The following B9D1 variants were observed in gnomAD, a reference collection of about 807,000 sequenced individuals.
The protein encoded by B9D1 is B9 domain containing 1.
A neutral mutation model predicts 26.1 loss-of-function variants in B9D1; 20 were observed. The ratio of observed to expected loss-of-function variants is 0.77; its 90% CI spans 0.54 to 1.12. The LOEUF (loss-of-function observed/expected upper bound fraction) is 1.12. Ranked by LOEUF, B9D1 falls within the 50% of genes most tolerant of loss-of-function variation. The pLI is 0.00. For synonymous variants in B9D1, 105 were observed against 103.1 expected (o/e 1.02, Z -0.11); for missense variants, 260 against 273.7 (o/e 0.95, Z 0.35).
At chr17:19,369,148 G>A (rs1911751422) in intron 1 of B9D1, among the ~76,000 whole-genome samples, 1 of 152,176 alleles carries the variant, frequency 6.6e-6, no homozygotes, top group Non-Finnish European at 1.5e-5. Flanking sequence ...AAGCGTATAG[G>A]GTTATGGTAG....
At chr17:19,360,178 A>G in intron 2 of B9D1, 142 bp downstream of exon 2, 2 of 790,012 alleles carry the variant, frequency 2.5e-6, no homozygotes, top group South Asian at 2.9e-5. Flanking sequence ...CTCCCGCTTT[A>G]CCAGGAACAC....
chr17:19,369,739 T>C (rs1911792932), intron 1 of B9D1, among the ~76,000 whole-genome samples: 1 of 152,212 alleles, frequency 6.6e-6, no homozygotes, highest in East Asian at 1.9e-4. Context: ...ATTTGTTGTT[T>C]ATCTGAAATT....
chr17:19,372,381 G>A lies in B9D1; in HGVS notation c.-298+5478C>T, dbSNP rs957532508. 2 of 152,432 alleles carry A rather than the reference G, an allele frequency of 1.3e-5. No individual in the cohort carries two copies. Among genetic ancestry groups the A allele is most frequent in the African/African-American group, 2.4e-5 (1 of 41,428 alleles). The allele number at this position is 152,432 out of a possible 1,614,324, so 9.4% of individuals were successfully genotyped here. ...GGTCTCACCCCTGCCTAACTTTCTC[G>A]TCTCCATGTCTCTGTGACCCCCTCC... On this transcript the variant is annotated intron_variant, in intron 1 of 5. Coordinates refer to the B9D1 transcript ENST00000477478. The surrounding 1 kb of genome is among the most constrained non-coding windows in gnomAD (Gnocchi z 4.4).
intron 3 of B9D1, among the ~76,000 whole-genome samples, chr17:19,354,179 T>C (rs983643219): frequency 5.3e-5 from 8 of 152,344 alleles, no homozygotes; most frequent in Middle Eastern, 3.4e-3. Flanking sequence ...TATTGGTCCC[T>C]AGCTTAAGTT....
downstream of B9D1, chr17:19,335,619 G>A: frequency 1.6e-6 from 1 of 613,180 alleles, no homozygotes; most frequent in Non-Finnish European, 2.6e-6. Context: ...TAAGACAGGG[G>A]TGGGGGGCTA....
At chr17:19,362,902 C>T (rs1310872648), upstream of B9D1, 5 of 444,244 alleles carry the variant, frequency 1.1e-5, no homozygotes, top group East Asian at 2.6e-4. Context: ...AGTGTGTGTT[C>T]ACTCTGACTC....
At chr17:19,348,816 C>G (rs1337592752) in intron 3 of B9D1, among the ~76,000 whole-genome samples, 1 of 152,178 alleles carries the variant, frequency 6.6e-6, no homozygotes, top group East Asian at 1.9e-4. Context: ...AAAATTATGT[C>G]CATTAGATTT....
At chr17:19,350,249 A>G (rs867086136) in intron 3 of B9D1, among the ~76,000 whole-genome samples, 1 of 152,064 alleles carries the variant, frequency 6.6e-6, no homozygotes, top group Non-Finnish European at 1.5e-5. Context: ...TTCTCTATGA[A>G]AAATCCAAAA....
At position 19,369,628 on chromosome 17, in the gene B9D1, C is replaced by T. The variant is rs1431609849; in HGVS notation, c.-298+8231G>A. Among the ~76,000 whole-genome samples, 4 of 151,786 alleles carry T rather than the reference C, an allele frequency of 2.6e-5. No homozygotes were observed. The East Asian group carries it at 5.8e-4, about 22-fold the overall frequency. ...GGGTGTGGGGGGAAAGCTGAGAGGC[C>T]GAGGAGCAGGCAGATGTGGTCATCC... On this transcript the variant is annotated intron_variant, in intron 1 of 5. Transcript: ENST00000477478.
intron 3 of B9D1, among the ~76,000 whole-genome samples, chr17:19,348,639 G>A (rs1243773737): frequency 2.0e-5 from 3 of 152,210 alleles, no homozygotes; most frequent in East Asian, 3.9e-4. Flanking sequence ...TTCCACCAAA[G>A]GTAACCATTA....
At chr17:19,356,346 C>A (rs1197362513) in intron 3 of B9D1, among the ~76,000 whole-genome samples, 1 of 152,212 alleles carries the variant, frequency 6.6e-6, no homozygotes, top group East Asian at 1.9e-4. Flanking sequence ...CCTGCCTCAG[C>A]CTCCCAAAGT....
chr17:19,362,646 C>G lies in B9D1; in HGVS notation c.-77G>C, dbSNP rs748587016. 4.5e-6 allele frequency: 7 copies of G among 1,555,670 alleles called. No individual in the cohort carries two copies. The South Asian group carries it at 8.3e-5, about 18-fold the overall frequency. On this transcript the variant is annotated 5_prime_UTR_variant, in exon 1 of 7. Transcript: ENST00000261499. ...AGAGACGCCGGCGTTGCCCTAGAAA[C>G]AGACGGCGTAGCGCGCAGGACACGT...
In B9D1 at chr17:19,370,523, G is replaced by A. The variant is rs564118358; in HGVS notation, c.-298+7336C>T. 2.9e-4 allele frequency among the ~76,000 whole-genome samples: 44 copies of A among 152,316 alleles called. No homozygotes were observed. The highest frequency in any genetic ancestry group is 1.0e-3 in the African/African-American group (43 of 41,572). On this transcript the variant is annotated intron_variant, in intron 1 of 5. Coordinates refer to the B9D1 transcript ENST00000477478. This position sits in a 1 kb window ranked among gnomAD's most constrained non-coding sequence, Gnocchi z 5.1. ...CCTTGGGGAATGTTCTGGGATGGGC[G>A]ATGTCAGCCTCAGTGTGTTTGCTCA...
chr17:19,346,735 G>T (rs1290228879), intron 5 of B9D1, among the ~76,000 whole-genome samples: 2 of 152,174 alleles, frequency 1.3e-5, no homozygotes, highest in Non-Finnish European at 2.9e-5. Flanking sequence ...TGGCCACACT[G>T]CCGTCCTGGC....
intron 3 of B9D1, among the ~76,000 whole-genome samples, chr17:19,356,394 A>T (rs953318510): frequency 1.3e-5 from 2 of 152,142 alleles, no homozygotes; most frequent in Non-Finnish European, 2.9e-5. Context: ...GCCCAGCCCA[A>T]AGAGGTTTCT....
chr17:19,362,968 G>A (rs1911335684), upstream of B9D1: 1 of 315,750 alleles, frequency 3.2e-6, no homozygotes, highest in African/African-American at 2.2e-5. Context: ...TGAGTCCTGG[G>A]GAGCAGCGCT....
At chr17:19,354,521 A>C (rs566687757) in intron 3 of B9D1, among the ~76,000 whole-genome samples, 3 of 152,354 alleles carry the variant, frequency 2.0e-5, no homozygotes, top group African/African-American at 7.2e-5. Context: ...ACATCTGTGT[A>C]CTAGCTGCTT....
chr17:19,350,636 G>A (rs1372776243), intron 3 of B9D1, among the ~76,000 whole-genome samples: 1 of 152,094 alleles, frequency 6.6e-6, no homozygotes, highest in Admixed American at 6.6e-5. Flanking sequence ...CACCAGAATC[G>A]CTTGAATCCA....
intron 3 of B9D1, among the ~76,000 whole-genome samples, chr17:19,351,964 C>T (rs1379121704): frequency 6.6e-6 from 1 of 152,148 alleles, no homozygotes. Flanking sequence ...TAGCTCACTA[C>T]ACCCCCAAAC....
Sources: gnomAD v4.1 joint callset for allele counts (sites outside exome capture counted in the v4.1 genomes callset) on GRCh38, gnomAD v4.1.1 for gene constraint, Gnocchi (gnomAD v3.1) non-coding constraint, MANE v1.5 for transcripts, NCBI Gene and HGNC (gene_info 2026-07-23, HGNC 2026-07-21) for gene names.